AGBL1: variants seen among roughly 807,000 people sequenced by gnomAD.
AGBL1 encodes cytosolic carboxypeptidase 4.
AGBL1 carries 130 observed loss-of-function variants against 118.9 expected under a neutral mutation model. That is an observed-to-expected ratio of 1.09 (90% CI 0.95 to 1.26). The LOEUF is 1.26. Ranked by LOEUF, AGBL1 falls within the 50% of genes most tolerant of loss-of-function variation. AGBL1 has a pLI of 0.00. For synonymous variants in AGBL1, 555 were observed against 478.9 expected (o/e 1.16, Z -2.08); for missense variants, 1,584 against 1,298.1 (o/e 1.22, Z -3.38).
intron 9 of AGBL1, among the ~76,000 whole-genome samples, chr15:86,259,208 C>T (rs181793689): frequency 3.9e-5 from 6 of 152,284 alleles, no homozygotes; most frequent in Non-Finnish European, 5.9e-5. Flanking sequence ...ACCTCATTAC[C>T]CTCCAGGGAT....
At chr15:86,172,624 T>C (rs1007695829) in intron 5 of AGBL1, among the ~76,000 whole-genome samples, 4 of 152,214 alleles carry the variant, frequency 2.6e-5, no homozygotes, top group Non-Finnish European at 5.9e-5. Flanking sequence ...TCTCGCTTAT[T>C]TCACTTAACA....
intron 1 of AGBL1, among the ~76,000 whole-genome samples, chr15:86,101,179 G>C (rs144826025): frequency 6.6e-6 from 1 of 151,904 alleles, no homozygotes; most frequent in Non-Finnish European, 1.5e-5. Context: ...TCCAAAGTTC[G>C]TTTGTTATTG....
intron 22 of AGBL1, among the ~76,000 whole-genome samples, chr15:86,679,004 T>C (rs2085900246): frequency 6.6e-6 from 1 of 152,102 alleles, no homozygotes; most frequent in South Asian, 2.1e-4. Flanking sequence ...AATCTAAATG[T>C]ATGATGTTGC....
At chr15:86,662,630 C>A (rs555273180) in intron 21 of AGBL1, among the ~76,000 whole-genome samples, 1 of 152,316 alleles carries the variant, frequency 6.6e-6, no homozygotes, top group East Asian at 1.9e-4. Context: ...TATCCCAATG[C>A]CACCTTCATT....
chr15:86,688,066 T>G (rs1373883200), intron 22 of AGBL1, among the ~76,000 whole-genome samples: 1 of 152,156 alleles, frequency 6.6e-6, no homozygotes, highest in Non-Finnish European at 1.5e-5. Flanking sequence ...TGAAACTTCC[T>G]TAAAAAGTTG....
chr15:86,285,337 G>A (rs2079424565), intron 16 of AGBL1, among the ~76,000 whole-genome samples: 2 of 152,062 alleles, frequency 1.3e-5, no homozygotes, highest in Admixed American at 1.3e-4. Context: ...CAGAAAATGA[G>A]TAATATGGTT....
chr15:86,795,152 T>A (rs2078551618), intron 22 of AGBL1, among the ~76,000 whole-genome samples: 1 of 152,216 alleles, frequency 6.6e-6, no homozygotes, highest in Admixed American at 6.5e-5. Flanking sequence ...GCCCTGGCAC[T>A]TTAGCTGCAA....
At chr15:86,274,925 C>G (rs1203549174) in intron 15 of AGBL1, among the ~76,000 whole-genome samples, 1 of 152,132 alleles carries the variant, frequency 6.6e-6, no homozygotes, top group East Asian at 1.9e-4. Context: ...ACCTCCCACC[C>G]CTTCTATTCC....
At chr15:86,202,215 C>T (rs2077918990) in intron 5 of AGBL1, among the ~76,000 whole-genome samples, 1 of 152,140 alleles carries the variant, frequency 6.6e-6, no homozygotes, top group Non-Finnish European at 1.5e-5. Flanking sequence ...ATCCCTTGAA[C>T]CCAGGAGGGA....
At chr15:86,928,147 T>C (rs192851968) in intron 23 of AGBL1, among the ~76,000 whole-genome samples, 155 of 152,292 alleles carry the variant, frequency 1.0e-3, no homozygotes, top group Non-Finnish European at 1.6e-3. Context: ...AATTAGCTCA[T>C]TGAAAGGTTT....
intron 21 of AGBL1, among the ~76,000 whole-genome samples, chr15:86,593,834 C>T (rs1361179835): frequency 3.3e-5 from 5 of 152,116 alleles, no homozygotes; most frequent in Non-Finnish European, 7.4e-5. Context: ...TCTAGAATTT[C>T]ATATAAATGG....
chr15:87,022,875 G>C (rs1196653029), intron 24 of AGBL1, among the ~76,000 whole-genome samples: 1 of 151,974 alleles, frequency 6.6e-6, no homozygotes, highest in Non-Finnish European at 1.5e-5. Context: ...CATATATGAA[G>C]GAAAGATACA....
intron 18 of AGBL1, among the ~76,000 whole-genome samples, chr15:86,483,611 G>T (rs116544719): frequency 6.6e-6 from 1 of 151,994 alleles, no homozygotes; most frequent in Non-Finnish European, 1.5e-5. Context: ...TCAGTTTCAG[G>T]CTTGCTCCAA....
chr15:86,399,970 A>T (rs1028305426), intron 18 of AGBL1, among the ~76,000 whole-genome samples: 2 of 152,196 alleles, frequency 1.3e-5, no homozygotes, highest in South Asian at 2.1e-4. Context: ...TCATAGTGTT[A>T]TTCTACTGAA....
intron 22 of AGBL1, among the ~76,000 whole-genome samples, chr15:86,825,922 T>C (rs543009246): frequency 1.4e-5 from 2 of 144,882 alleles, no homozygotes; most frequent in Non-Finnish European, 3.0e-5. Flanking sequence ...GATAGATAGA[T>C]AGATAGATAG....
chr15:86,755,567 C>T (rs2077925180), intron 22 of AGBL1, among the ~76,000 whole-genome samples: 1 of 152,052 alleles, frequency 6.6e-6, no homozygotes, highest in African/African-American at 2.4e-5. Context: ...ACCTCAAAGT[C>T]CCCCTCTTCC....
At chr15:86,635,274 T>C (rs113066349) in intron 21 of AGBL1, among the ~76,000 whole-genome samples, 26 of 53,524 alleles carry the variant, frequency 4.9e-4, no homozygotes, top group South Asian at 1.1e-3. Flanking sequence ...CTCCTCCTCC[T>C]CCTCCTTCCC....
chr15:86,391,721 G>A (rs1395718721), intron 17 of AGBL1, among the ~76,000 whole-genome samples: 1 of 126,236 alleles, frequency 7.9e-6, no homozygotes, highest in Non-Finnish European at 1.5e-5. Context: ...GCCCCAGAAA[G>A]GGCTGCAGAA....
At chr15:86,326,856 G>A (rs756705443) in intron 17 of AGBL1, among the ~76,000 whole-genome samples, 7 of 152,004 alleles carry the variant, frequency 4.6e-5, no homozygotes, top group Non-Finnish European at 7.4e-5. Flanking sequence ...GAATAGATTA[G>A]TCATGAACTT....
Sources: allele counts gnomAD v4.1 joint callset (sites outside exome capture counted in the v4.1 genomes callset), GRCh38; gene constraint gnomAD v4.1.1; transcripts MANE v1.5; gene names NCBI Gene and HGNC (gene_info 2026-07-23, HGNC 2026-07-21).